The following PPP1R13B variants were observed in gnomAD, a reference collection of about 807,000 sequenced individuals.
PPP1R13B encodes the protein protein phosphatase 1 regulatory subunit 13B.
In PPP1R13B, 44 loss-of-function variants were observed where a neutral mutation model predicts 119.8. The observed-to-expected ratio is 0.37, with a 90% CI of 0.29 to 0.47. PPP1R13B has a LOEUF of 0.47. PPP1R13B is among the 20% of genes least tolerant of loss of function. The pLI, the probability that PPP1R13B is intolerant of heterozygous loss-of-function variation, is 0.99. For synonymous variants in PPP1R13B, 542 were observed against 561.5 expected, an observed-to-expected ratio of 0.97 and a Z score of 0.49; for missense variants, 1,227 against 1,413.5, an observed-to-expected ratio of 0.87 and a Z score of 2.12.
In PPP1R13B at chr14:103,740,221, G is replaced by A. The variant is rs1345985411; in HGVS notation, c.2195C>T (p.Thr732Ile). 6.2e-7 allele frequency: 1 copy of A among 1,613,502 alleles called. No individual in the cohort carries two copies. The highest frequency in any genetic ancestry group is 1.7e-5 in the Admixed American group (1 of 60,028). Residue 732 changes from threonine (T) to isoleucine (I), a missense_variant, in exon 12 of 17, where the codon ACC (threonine) becomes ATC (isoleucine). Physicochemically the swap from Thr to Ile is moderately conservative, Grantham distance 89. Coordinates refer to ENST00000202556, the MANE Select transcript of PPP1R13B (RefSeq NM_015316.3). This position sits in a 1 kb window ranked among gnomAD's most constrained non-coding sequence, Gnocchi z 4.6. ...IQKLLYQRFN[T>I]LAGGMEGTPF... Reference sequence around the variant, plus strand: ...GGTGCCCTCCATGCCACCGGCCAGGGTGTTGAAGCGCTGGTACAGCAGCTT... The same window carrying A: ...GGTGCCCTCCATGCCACCGGCCAGGATGTTGAAGCGCTGGTACAGCAGCTT...
At chr14:103,746,608 A>C in intron 8 of PPP1R13B, 55 bp from the exon 9 acceptor site, 1 of 1,447,874 alleles carries the variant, frequency 6.9e-7, no homozygotes. Context: ...AAGAAGTCCT[A>C]AGCTTAGTGC....
intron 1 of PPP1R13B, among the ~76,000 whole-genome samples, chr14:103,805,594 A>G (rs958347093): frequency 6.7e-6 from 1 of 150,296 alleles, no homozygotes; most frequent in Admixed American, 6.6e-5. Flanking sequence ...GAAAGAAGGA[A>G]GGAAGGAAGG....
intron 4 of PPP1R13B, among the ~76,000 whole-genome samples, chr14:103,758,460 G>A (rs2084728706): frequency 6.6e-6 from 1 of 152,330 alleles, no homozygotes; most frequent in South Asian, 2.1e-4. Flanking sequence ...CAGCTTGCGA[G>A]GCAAAGCAGA....
At chr14:103,792,173 T>TGTGTGTGTGTGTGTGC (rs781147001) in intron 2 of PPP1R13B, among the ~76,000 whole-genome samples, 4 of 128,970 alleles carry the variant, frequency 3.1e-5, no homozygotes, top group Non-Finnish European at 3.5e-5. Context: ...ATTCATCGTG[T>TGTGTGTGTGTGTGTGC]GTGTGTGTGT....
chr14:103,788,380 T>C (rs757721648), intron 2 of PPP1R13B, among the ~76,000 whole-genome samples: 4 of 152,212 alleles, frequency 2.6e-5, no homozygotes, highest in Non-Finnish European at 4.4e-5. Context: ...TCACATCCTG[T>C]TCTTCAACCT....
chr14:103,802,807 T>C (rs962007878), intron 1 of PPP1R13B, among the ~76,000 whole-genome samples: 9 of 152,176 alleles, frequency 5.9e-5, no homozygotes, highest in African/African-American at 1.7e-4. Context: ...TAAATCTGGA[T>C]ATTTTTAAAA....
intron 11 of PPP1R13B, among the ~76,000 whole-genome samples, chr14:103,741,286 T>C (rs2084252046): frequency 6.6e-6 from 1 of 152,226 alleles, no homozygotes; most frequent in African/African-American, 2.4e-5. Flanking sequence ...TTCTCTCAGC[T>C]GCCTTCTTAG....
Position 103,734,617 on chromosome 14 carries a change from C to G in PPP1R13B, c.*537G>C, listed in dbSNP as rs1158817507. 4.4e-6 allele frequency: 2 copies of G among 456,408 alleles called. No individual in the cohort carries two copies. The highest frequency in any genetic ancestry group is 8.8e-6 in the Non-Finnish European group (2 of 226,826). The allele number at this position is 456,408 out of a possible 1,614,324, so 28.3% of individuals were successfully genotyped here. A position where few individuals can be genotyped will look rare whatever the true frequency, so the allele number is the denominator to read the frequency against. On this transcript the variant is annotated 3_prime_UTR_variant, in exon 17 of 17. Coordinates refer to ENST00000202556, the MANE Select transcript of PPP1R13B (RefSeq NM_015316.3). Reference sequence around the variant, plus strand: ...GCCGAGCAGAGTGGGTACTGGGAGGCATACACACTGGGCAGCAACACTGGA... The same window carrying G: ...GCCGAGCAGAGTGGGTACTGGGAGGGATACACACTGGGCAGCAACACTGGA...
intron 12 of PPP1R13B, among the ~76,000 whole-genome samples, chr14:103,739,440 G>C (rs940852318): frequency 6.6e-6 from 1 of 152,222 alleles, no homozygotes; most frequent in Admixed American, 6.5e-5. Context: ...GGTTCCCTGA[G>C]ATGGCGCCTG....
intron 1 of PPP1R13B, among the ~76,000 whole-genome samples, chr14:103,832,873 T>G (rs568254106): frequency 6.6e-6 from 1 of 152,182 alleles, no homozygotes; most frequent in East Asian, 1.9e-4. Flanking sequence ...TCCCAGCTAC[T>G]TGGGAGGATG....
intron 6 of PPP1R13B, 126 bp downstream of exon 6, chr14:103,753,944 C>G (rs1327574068): frequency 1.1e-5 from 13 of 1,221,534 alleles, no homozygotes; most frequent in Non-Finnish European, 1.5e-5. Context: ...AATAACAGAG[C>G]AAAACTTGAG....
chr14:103,734,644 A>G lies in PPP1R13B; in HGVS notation c.*510T>C, dbSNP rs1392306026. 8.8e-6 allele frequency: 4 copies of G among 456,508 alleles called. No homozygotes were observed. The highest frequency in any genetic ancestry group is 2.3e-5 in the Admixed American group (1 of 42,560). The allele number at this position is 456,508 out of a possible 1,614,324, so 28.3% of individuals were successfully genotyped here. A position where few individuals can be genotyped will look rare whatever the true frequency, so the allele number is the denominator to read the frequency against. On this transcript the variant is annotated 3_prime_UTR_variant, in exon 17 of 17. Transcript: ENST00000202556. ...TACACACTGGGCAGCAACACTGGAC[A>G]TGTTTCCATACAGAGGCTCCTTTGG...
intron 9 of PPP1R13B, among the ~76,000 whole-genome samples, 190 bp downstream of exon 9, chr14:103,746,183 T>C (rs2151971634): frequency 6.6e-6 from 1 of 152,332 alleles, no homozygotes; most frequent in African/African-American, 2.4e-5. Context: ...TAAAAATAAC[T>C]TGTTTTCCTT....
chr14:103,752,785 G>A (rs1027725145), intron 7 of PPP1R13B, among the ~76,000 whole-genome samples: 4 of 151,962 alleles, frequency 2.6e-5, no homozygotes, highest in Non-Finnish European at 4.4e-5. Flanking sequence ...TGCCCGCCTC[G>A]GCTTCCCAAA....
chr14:103,813,584 T>G (rs1420675690), intron 1 of PPP1R13B, among the ~76,000 whole-genome samples: 1 of 152,196 alleles, frequency 6.6e-6, no homozygotes, highest in Non-Finnish European at 1.5e-5. Context: ...TGTGAAGAGG[T>G]GCCTTCCGCC....
intron 1 of PPP1R13B, among the ~76,000 whole-genome samples, chr14:103,828,143 G>T (rs1371592751): frequency 2.0e-5 from 3 of 151,988 alleles, no homozygotes; most frequent in Non-Finnish European, 4.4e-5. Context: ...GAGGTGGGTG[G>T]ATCACCCAAG....
chr14:103,735,159 C>T lies in PPP1R13B; in HGVS notation c.3268G>A (p.Ala1090Thr), dbSNP rs201071102. ...GCGGTGCTCCAAAAGGAAGTTCAGG[C>T]GAGTGTTCGCTGTCGGGGTTTGATC... ...PRIKPRQRTLA is the reference protein window; with the variant it reads ...PRIKPRQRTLT Residue 1090 changes from alanine (A) to threonine (T), a missense_variant, in exon 17 of 17, where the codon GCC (alanine) becomes ACC (threonine). Ala to Thr is a moderately conservative substitution (Grantham distance 58). Coordinates refer to ENST00000202556, the MANE Select transcript of PPP1R13B (RefSeq NM_015316.3). 49 of 1,614,120 alleles carry T rather than the reference C, an allele frequency of 3.0e-5. No homozygotes were observed. The highest frequency in any genetic ancestry group is 4.0e-5 in the Non-Finnish European group (47 of 1,179,994).
At chr14:103,785,122 A>G (rs898661643) in intron 2 of PPP1R13B, among the ~76,000 whole-genome samples, 3 of 152,362 alleles carry the variant, frequency 2.0e-5, no homozygotes, top group Middle Eastern at 3.4e-3. Flanking sequence ...GATAAACACA[A>G]AAAGTATCCA....
intron 1 of PPP1R13B, among the ~76,000 whole-genome samples, chr14:103,829,695 A>G (rs1232141576): frequency 6.6e-6 from 1 of 152,226 alleles, no homozygotes; most frequent in Admixed American, 6.5e-5. Flanking sequence ...ATGCAGCCTC[A>G]AACTCCTGGG....
Sources: gnomAD v4.1 joint callset for allele counts (sites outside exome capture counted in the v4.1 genomes callset) on GRCh38, gnomAD v4.1.1 for gene constraint, Gnocchi (gnomAD v3.1) non-coding constraint, MANE v1.5 for transcripts, NCBI Gene and HGNC (gene_info 2026-07-23, HGNC 2026-07-21) for gene names.